CHCHD6: variants seen among roughly 807,000 people sequenced by gnomAD.
CHCHD6 encodes the protein coiled-coil-helix-coiled-coil-helix domain containing 6, also known as MICOS complex subunit MIC25.
A neutral mutation model predicts 32.3 loss-of-function variants in CHCHD6; 28 were observed. The observed-to-expected ratio is 0.87, with a 90% CI of 0.64 to 1.19. The LOEUF (loss-of-function observed/expected upper bound fraction) is 1.19, where lower values mean the gene tolerates loss of function less well. CHCHD6 is among the 50% of genes most tolerant of loss of function. CHCHD6 has a pLI of 0.00. For synonymous variants in CHCHD6, 122 were observed against 117.5 expected (o/e 1.04, Z -0.25); for missense variants, 333 against 307.0 (o/e 1.08, Z -0.63).
chr3:126,756,800 C>T (rs1936971854), intron 4 of CHCHD6, among the ~76,000 whole-genome samples: 1 of 152,206 alleles, frequency 6.6e-6, no homozygotes, highest in South Asian at 2.1e-4. Flanking sequence ...CCCTTTAGCA[C>T]TTGCATACTA....
At chr3:126,739,262 A>G (rs1936187795) in intron 4 of CHCHD6, among the ~76,000 whole-genome samples, 1 of 152,224 alleles carries the variant, frequency 6.6e-6, no homozygotes, top group Non-Finnish European at 1.5e-5. Context: ...ATTAGATCAG[A>G]GGTTGACAAA....
chr3:126,875,150 T>C (rs983844551), intron 5 of CHCHD6, among the ~76,000 whole-genome samples: 2 of 152,236 alleles, frequency 1.3e-5, no homozygotes, highest in Non-Finnish European at 2.9e-5. Context: ...CTGGTGTGAC[T>C]CTTGCCTTAA....
intron 1 of CHCHD6, among the ~76,000 whole-genome samples, chr3:126,714,947 C>T (rs774297265): frequency 5.8e-4 from 89 of 152,172 alleles, no homozygotes; most frequent in African/African-American, 1.5e-3. Flanking sequence ...CTTAAACTGC[C>T]TCCCCATTGC....
intron 5 of CHCHD6, among the ~76,000 whole-genome samples, chr3:126,900,108 A>G (rs1313862342): frequency 6.6e-6 from 1 of 152,230 alleles, no homozygotes; most frequent in African/African-American, 2.4e-5. Context: ...GCTGTGTCCC[A>G]GAAAGCTCAC....
At chr3:126,856,208 A>G (rs1290436474) in intron 5 of CHCHD6, among the ~76,000 whole-genome samples, 4 of 152,204 alleles carry the variant, frequency 2.6e-5, no homozygotes, top group Admixed American at 1.3e-4. Context: ...CCACATTCAA[A>G]GCCTTCCTGG....
intron 4 of CHCHD6, among the ~76,000 whole-genome samples, chr3:126,775,397 T>A (rs1168186014): frequency 6.6e-6 from 1 of 152,196 alleles, no homozygotes; most frequent in Non-Finnish European, 1.5e-5. Flanking sequence ...TCTTATGAAT[T>A]GCCTCTTCAT....
intron 5 of CHCHD6, among the ~76,000 whole-genome samples, chr3:126,877,869 C>G (rs2077560195): frequency 6.6e-6 from 1 of 152,190 alleles, no homozygotes; most frequent in South Asian, 2.1e-4. Context: ...GCCTGGGAAT[C>G]TACAATTATC....
chr3:126,806,885 C>A (rs1040353738), intron 4 of CHCHD6, among the ~76,000 whole-genome samples: 5 of 151,894 alleles, frequency 3.3e-5, no homozygotes, highest in African/African-American at 9.7e-5. Context: ...ATGATGAGTT[C>A]ATGTCCTTTG....
At chr3:126,741,118 A>C (rs1368768256) in intron 4 of CHCHD6, among the ~76,000 whole-genome samples, 1 of 152,146 alleles carries the variant, frequency 6.6e-6, no homozygotes, top group Non-Finnish European at 1.5e-5. Flanking sequence ...GTTATCCTAG[A>C]GTGGTGTATT....
intron 4 of CHCHD6, among the ~76,000 whole-genome samples, chr3:126,745,087 C>T (rs748783480): frequency 4.5e-4 from 68 of 152,144 alleles, no homozygotes; most frequent in Non-Finnish European, 7.8e-4. Flanking sequence ...CTGGGATTCT[C>T]GTTGGCAGAA....
At chr3:126,803,943 G>C (rs917541424) in intron 4 of CHCHD6, among the ~76,000 whole-genome samples, 15 of 152,240 alleles carry the variant, frequency 9.9e-5, no homozygotes, top group South Asian at 4.2e-4. Context: ...GGAAACTGAA[G>C]AACCTGCTCC....
intron 4 of CHCHD6, among the ~76,000 whole-genome samples, chr3:126,836,713 G>A (rs1210582247): frequency 2.0e-5 from 3 of 152,214 alleles, no homozygotes; most frequent in African/African-American, 7.2e-5. Context: ...GAGGAGAGAG[G>A]GCGTCTGCAG....
chr3:126,747,335 G>A (rs550440490), intron 4 of CHCHD6, among the ~76,000 whole-genome samples: 3 of 152,170 alleles, frequency 2.0e-5, no homozygotes, highest in East Asian at 3.9e-4. Context: ...TGCTTATCTG[G>A]GATATCTCCA....
intron 5 of CHCHD6, among the ~76,000 whole-genome samples, chr3:126,879,947 G>A (rs1478196976): frequency 6.6e-6 from 1 of 152,162 alleles, no homozygotes; most frequent in Admixed American, 6.5e-5. Context: ...AATTTTGTTG[G>A]TTTGAAAATT....
chr3:126,954,907 T>G (rs956383284), intron 6 of CHCHD6, among the ~76,000 whole-genome samples: 3 of 151,980 alleles, frequency 2.0e-5, no homozygotes, highest in African/African-American at 7.3e-5. Flanking sequence ...CCCTGCAGAT[T>G]TAACCCTGCC....
intron 1 of CHCHD6, among the ~76,000 whole-genome samples, chr3:126,724,806 A>G (rs185754295): frequency 4.6e-5 from 7 of 152,344 alleles, no homozygotes; most frequent in Admixed American, 1.3e-4. Context: ...CATCTTCACC[A>G]GGAGCAGATT....
chr3:126,736,614 A>C (rs1936056296), intron 4 of CHCHD6, among the ~76,000 whole-genome samples: 1 of 152,212 alleles, frequency 6.6e-6, no homozygotes. Flanking sequence ...TGACAAGGAA[A>C]GGTAATAATT....
chr3:126,918,672 A>C (rs1337761912), intron 6 of CHCHD6, among the ~76,000 whole-genome samples: 1 of 152,218 alleles, frequency 6.6e-6, no homozygotes, highest in Non-Finnish European at 1.5e-5. Context: ...AGGAATTGAA[A>C]AAAGGCCAGT....
At chr3:126,788,513 G>A (rs570321948) in intron 4 of CHCHD6, among the ~76,000 whole-genome samples, 36 of 152,230 alleles carry the variant, frequency 2.4e-4, no homozygotes, top group Middle Eastern at 3.4e-3. Flanking sequence ...GCCTGTTATT[G>A]GTCTATTCAG....
Sources: gnomAD v4.1 joint callset for allele counts (sites outside exome capture counted in the v4.1 genomes callset) on GRCh38, gnomAD v4.1.1 for gene constraint, MANE v1.5 for transcripts, NCBI Gene and HGNC (gene_info 2026-07-23, HGNC 2026-07-21) for gene names.